The following RBBP8NL variants were observed in gnomAD, a reference collection of about 807,000 sequenced individuals.
The protein encoded by RBBP8NL is RBBP8 N-terminal like.
Under a neutral mutation model 62.2 loss-of-function variants are expected in RBBP8NL, and 59 were observed. The ratio of observed to expected loss-of-function variants is 0.95; its 90% CI spans 0.77 to 1.18. The LOEUF is 1.18. Ranked by LOEUF, RBBP8NL falls within the 50% of genes most tolerant of loss-of-function variation. RBBP8NL has a pLI of 0.00. For synonymous variants in RBBP8NL, 412 were observed against 394.1 expected (o/e 1.05, Z -0.54); for missense variants, 896 against 899.5 (o/e 1.00, Z 0.05).
intron 3 of RBBP8NL, among the ~76,000 whole-genome samples, chr20:62,418,204 G>A (rs988120030): frequency 6.6e-6 from 1 of 152,184 alleles, no homozygotes; most frequent in Admixed American, 6.5e-5. Context: ...TAGGGGGCTT[G>A]CCCCGCCCCT....
chr20:62,419,706 C>A lies in RBBP8NL; in HGVS notation c.-59G>T. 2 of 1,551,224 alleles carry A rather than the reference C, an allele frequency of 1.3e-6. No individual in the cohort carries two copies. Among genetic ancestry groups the A allele is most frequent in the Non-Finnish European group, 8.9e-7 (1 of 1,128,710 alleles). ...GCTGGGGTTGTGGAGACGCCTGCAG[C>A]CTCTACTGCCCCTCTGTGTCCATCC... On this transcript the variant is annotated 5_prime_UTR_variant, in exon 2 of 14. Coordinates refer to ENST00000252998, the MANE Select transcript of RBBP8NL (RefSeq NM_080833.3).
chr20:62,419,627 C>A lies in RBBP8NL; in HGVS notation c.21G>T (p.Ser7=), dbSNP rs768816370. 1 of 1,613,438 alleles carries A rather than the reference C, an allele frequency of 6.2e-7. No homozygotes were observed. The highest frequency in any genetic ancestry group is 1.1e-5 in the South Asian group (1 of 91,088). ...CGTGGATCTCCTTCAGCCTGTTCAG[C>A]GACTCCATGAAGCTCTCCATGGCTC... MESFME[S]LNRLKEIHEK... The change falls in exon 2 of 14, where the codon TCG becomes TCT. Residue 7 remains serine (S), a synonymous_variant. Transcript: ENST00000252998.
chr20:62,416,294 T>TGGGGTGGGGGGGGGTGGGGGGGGGGGGG, intron 5 of RBBP8NL, 58 bp from the exon 6 acceptor site: 2 of 515,300 alleles, frequency 3.9e-6, no homozygotes, highest in African/African-American at 2.0e-5. Context: ...GGGGCAGGGG[T>TGGGGTGGGGGGGGGTGGGGGGGGGGGGG]GGGGTCGTCA....
chr20:62,415,763 C>A, intron 7 of RBBP8NL, 25 bp downstream of exon 7: 1 of 1,610,758 alleles, frequency 6.2e-7, no homozygotes, highest in South Asian at 1.1e-5. Flanking sequence ...CCCAGCCTCC[C>A]AGCCTCACCC....
At chr20:62,424,607 C>T (rs756101262) in intron 1 of RBBP8NL, among the ~76,000 whole-genome samples, 9 of 152,192 alleles carry the variant, frequency 5.9e-5, no homozygotes, top group African/African-American at 1.9e-4. Flanking sequence ...TCTTATCCCC[C>T]GGACAGGGCC....
At position 62,413,441 on chromosome 20, in the gene RBBP8NL, C is replaced by T. The variant is rs369255991; in HGVS notation, c.1635G>A (p.Pro545=). The change falls in exon 11 of 14, where the codon CCG becomes CCA. Residue 545 remains proline (P), a synonymous_variant. Transcript: ENST00000252998. ...GGTCAGGCGGCTGTGGGTGGGGAGG[C>T]GGCTGTGGGTGGGGAGGTGGCAGAG... The part of the protein sequence containing the change: ...GRPLPPPHPQ[P]PPHPQPPDLD... 942 of 1,457,320 alleles carry T rather than the reference C, an allele frequency of 6.5e-4. 21 individuals are homozygous for T. In the South Asian group the frequency reaches 0.013, roughly 21 times the overall value. The allele number at this position is 1,457,320 out of a possible 1,614,324, so 90.3% of individuals were successfully genotyped here. A position where few individuals can be genotyped will look rare whatever the true frequency, so the allele number is the denominator to read the frequency against.
chr20:62,427,168 G>A (rs1391245650), intron 1 of RBBP8NL, among the ~76,000 whole-genome samples: 2 of 152,202 alleles, frequency 1.3e-5, no homozygotes, highest in East Asian at 3.8e-4. Flanking sequence ...GATGCCCCAA[G>A]CCCCTCAGCA....
At chr20:62,415,405 G>T in intron 8 of RBBP8NL, 118 bp from the exon 9 acceptor site, 1 of 1,393,622 alleles carries the variant, frequency 7.2e-7, no homozygotes, top group Non-Finnish European at 9.7e-7. Context: ...TCACTGCTGA[G>T]CTGCACCCCC....
chr20:62,415,752 G>T (rs1027320632), intron 7 of RBBP8NL, 36 bp downstream of exon 7: 15 of 1,609,790 alleles, frequency 9.3e-6, no homozygotes, highest in Admixed American at 1.7e-5. Context: ...TCCTGCGGGG[G>T]CCCAGCCTCC....
chr20:62,416,080 G>A, intron 6 of RBBP8NL, 84 bp downstream of exon 6: 3 of 1,486,028 alleles, frequency 2.0e-6, no homozygotes, highest in Non-Finnish European at 2.8e-6. Flanking sequence ...TCCATGGGCG[G>A]TTCCCCCAGG....
chr20:62,414,613 C>A (rs756588436), intron 9 of RBBP8NL, 57 bp from the exon 10 acceptor site: 7 of 1,376,504 alleles, frequency 5.1e-6, no homozygotes, highest in Non-Finnish European at 6.6e-6. Flanking sequence ...ACCGTCCCAG[C>A]GAGCCCTGAG....
rs749726441 is a variant in RBBP8NL, at chr20:62,412,907, G to GATGC, written c.1676-11_1676-8dup. On this transcript the variant is annotated splice_region_variant and splice_polypyrimidine_tract_variant and intron_variant, in intron 11 of 13. Transcript: ENST00000252998. ...ACTTCAGCCTTGCTGGGCTCTGAAG[G>GATGC]ATGCAGAGTGTGGGGTCAGGCCAGG... The GATGC allele has an allele frequency of 4.7e-5, 76 of 1,612,808 alleles. 1 individual carries two copies. The East Asian group carries it at 1.7e-3, about 36-fold the overall frequency.
In RBBP8NL at chr20:62,419,609, C is replaced by T; in HGVS notation, c.39G>A (p.Glu13=). 6.2e-7 allele frequency: 1 copy of T among 1,613,600 alleles called. No homozygotes were observed. The highest frequency in any genetic ancestry group is 8.5e-7 in the Non-Finnish European group (1 of 1,179,924). ...SFMESLNRLK[E]IHEKEVLGLQ... is the part of the protein sequence containing the mutation. ...CACCCAGGACTTCCTTCTCGTGGAT[C>T]TCCTTCAGCCTGTTCAGCGACTCCA... The change falls in exon 2 of 14, where the codon GAG becomes GAA. Residue 13 remains glutamate, a synonymous_variant. Coordinates refer to ENST00000252998, the MANE Select transcript of RBBP8NL (RefSeq NM_080833.3).
In RBBP8NL at chr20:62,419,593, C is replaced by T. The variant is rs201502064; in HGVS notation, c.55G>A (p.Val19Ile). 48 of 1,613,628 alleles carry T rather than the reference C, an allele frequency of 3.0e-5. No individual in the cohort carries two copies. The East Asian group carries it at 9.6e-4, about 32-fold the overall frequency. Residue 19 changes from valine (V) to isoleucine (I), a missense_variant, in exon 2 of 14, where the codon GTC (valine) becomes ATC (isoleucine). Physicochemically the swap from Val to Ile is conservative, Grantham distance 29 (BLOSUM62 3). Coordinates refer to ENST00000252998, the MANE Select transcript of RBBP8NL (RefSeq NM_080833.3). ...NRLKEIHEKE[V>I]LGLQNKLLEL... ...TCTGTCCCTGGCCCCTCACCCAGGA[C>T]TTCCTTCTCGTGGATCTCCTTCAGC...
At chr20:62,416,711 G>T (rs755360759) in intron 5 of RBBP8NL, 49 bp downstream of exon 5, 1 of 1,347,384 alleles carries the variant, frequency 7.4e-7, no homozygotes, top group Non-Finnish European at 1.0e-6. Context: ...GCCTGGGGTC[G>T]CCTGGCCCCG....
chr20:62,415,277 C>T lies in RBBP8NL; in HGVS notation c.638G>A (p.Arg213His), dbSNP rs770795292. The change falls in exon 9 of 14, where the codon CGC becomes CAC. Residue 213 changes from arginine (R) to histidine (H), a missense_variant. Physicochemically the swap from Arg to His is conservative, Grantham distance 29. Coordinates refer to ENST00000252998, the MANE Select transcript of RBBP8NL (RefSeq NM_080833.3). ...ESRAPDMSPQ[R>H]ISNQLHGTIA... ...GGTCCCGTGCAGCTGGTTGGAGATGCGCTGGGGGCTCTGTGAGGATGGGTG... is the reference window on the plus strand; with the variant it reads ...GGTCCCGTGCAGCTGGTTGGAGATGTGCTGGGGGCTCTGTGAGGATGGGTG... 112 of 1,571,202 alleles carry T rather than the reference C, an allele frequency of 7.1e-5. No homozygotes were observed. Among genetic ancestry groups the T allele is most frequent in the Non-Finnish European group, 9.1e-5 (106 of 1,166,132 alleles).
chr20:62,426,951 G>T (rs144798274), intron 1 of RBBP8NL, among the ~76,000 whole-genome samples: 27 of 152,334 alleles, frequency 1.8e-4, no homozygotes, highest in East Asian at 9.6e-4. Flanking sequence ...CCTGGCCCGT[G>T]GGGGAGGGGG....
Position 62,427,293 on chromosome 20 carries a change from C to T in RBBP8NL, c.-84+167G>A, listed in dbSNP as rs969511266. 9.8e-5 allele frequency among the ~76,000 whole-genome samples: 15 copies of T among 152,376 alleles called. 1 individual carries two copies. The highest frequency in any genetic ancestry group is 8.5e-4 in the Admixed American group (13 of 15,308). On this transcript the variant is annotated intron_variant, in intron 1 of 13. Transcript: ENST00000252998. ...CGTTGCTAGGTCCCTGGACCAGGAG[C>T]AGCCTTGTGCCACCCCTTAGGGAAG...
In RBBP8NL at chr20:62,419,932, A is replaced by T. The variant is rs138477794; in HGVS notation, c.-83-202T>A. Reference sequence around the variant, plus strand: ...AGTACATTGTGTGGCTTCCTCCCACACGTATGTGGCCGGGGGCCAGAGGGC... The same window carrying T: ...AGTACATTGTGTGGCTTCCTCCCACTCGTATGTGGCCGGGGGCCAGAGGGC... On this transcript the variant is annotated intron_variant, in intron 1 of 13. Coordinates refer to ENST00000252998, the MANE Select transcript of RBBP8NL (RefSeq NM_080833.3). Among the ~76,000 whole-genome samples, 19 of 152,254 alleles carry T rather than the reference A, an allele frequency of 1.2e-4. No homozygotes were observed. In the East Asian group the frequency reaches 3.7e-3, roughly 29 times the overall value.
Sources: allele counts gnomAD v4.1 joint callset (sites outside exome capture counted in the v4.1 genomes callset), GRCh38; gene constraint gnomAD v4.1.1; transcripts MANE v1.5; gene names NCBI Gene and HGNC (gene_info 2026-07-23, HGNC 2026-07-21).